The following AFG2A variants were observed in gnomAD, a reference collection of about 807,000 sequenced individuals.
The protein encoded by AFG2A is ATPase family gene 2 protein homolog A.
At chr4:123,261,345 C>T in the AFG2A span, among the ~76,000 whole-genome samples, 1 of 152,144 alleles carries the variant, frequency 6.6e-6, no homozygotes, top group African/African-American at 2.4e-5. Context: ...TGCTCTGTAT[C>T]TGCAAGTTCC....
chr4:123,198,685 A>G, the AFG2A span, among the ~76,000 whole-genome samples: 1 of 152,198 alleles, frequency 6.6e-6, no homozygotes, highest in Non-Finnish European at 1.5e-5. Flanking sequence ...TTAATCCTAA[A>G]AGTTCCCAAT....
the AFG2A span, among the ~76,000 whole-genome samples, chr4:123,024,985 G>A: frequency 6.6e-6 from 1 of 152,140 alleles, no homozygotes; most frequent in South Asian, 2.1e-4. Flanking sequence ...GGGAGCTAGG[G>A]GACGGGGAAT....
the AFG2A span, among the ~76,000 whole-genome samples, chr4:122,943,276 C>A: frequency 6.6e-6 from 1 of 152,284 alleles, no homozygotes; most frequent in South Asian, 2.1e-4. Flanking sequence ...GTCTAAGTCT[C>A]TTTGTAGGTC....
chr4:123,015,399 C>T, the AFG2A span, among the ~76,000 whole-genome samples: 1 of 151,956 alleles, frequency 6.6e-6, no homozygotes, highest in Non-Finnish European at 1.5e-5. Context: ...AACGAGCATG[C>T]TGCCTTCAAG....
chr4:123,198,697 A>G, the AFG2A span, among the ~76,000 whole-genome samples: 1 of 152,198 alleles, frequency 6.6e-6, no homozygotes, highest in Non-Finnish European at 1.5e-5. Flanking sequence ...GTTCCCAATG[A>G]TTAGGACCAT....
the AFG2A span, among the ~76,000 whole-genome samples, chr4:123,122,309 G>T: frequency 6.6e-6 from 1 of 152,142 alleles, no homozygotes; most frequent in Non-Finnish European, 1.5e-5. Flanking sequence ...AATATCATAA[G>T]TCAAAAATGG....
chr4:123,007,594 G>GTGTGT, the AFG2A span, among the ~76,000 whole-genome samples: 15 of 23,714 alleles, frequency 6.3e-4, no homozygotes, highest in Admixed American at 4.6e-3. Flanking sequence ...GTGTGTGTGT[G>GTGTGT]TGTGTGTGTG....
At chr4:123,206,336 A>C in the AFG2A span, among the ~76,000 whole-genome samples, 3 of 152,162 alleles carry the variant, frequency 2.0e-5, no homozygotes, top group African/African-American at 7.2e-5. Flanking sequence ...GTTAAAACCA[A>C]GAGGAATTCT....
At chr4:123,054,599 T>A in the AFG2A span, among the ~76,000 whole-genome samples, 10 of 152,070 alleles carry the variant, frequency 6.6e-5, no homozygotes, top group Non-Finnish European at 1.0e-4. Context: ...GCACCTGTAG[T>A]CCCAGCTACT....
the AFG2A span, among the ~76,000 whole-genome samples, chr4:122,952,962 G>A: frequency 6.6e-6 from 1 of 152,172 alleles, no homozygotes; most frequent in Non-Finnish European, 1.5e-5. Context: ...CAGTAATCTA[G>A]TGTCATTGTC....
chr4:123,217,169 C>CA, the AFG2A span, among the ~76,000 whole-genome samples: 4 of 152,154 alleles, frequency 2.6e-5, no homozygotes, highest in African/African-American at 9.7e-5. Context: ...GTGTAAATGT[C>CA]AGTCATATTC....
the AFG2A span, among the ~76,000 whole-genome samples, chr4:122,967,513 A>G: frequency 6.6e-6 from 1 of 152,190 alleles, no homozygotes; most frequent in African/African-American, 2.4e-5. Flanking sequence ...TTTGTATAAA[A>G]TATTCTGGCA....
the AFG2A span, among the ~76,000 whole-genome samples, chr4:123,137,062 C>A: frequency 2.6e-5 from 4 of 152,070 alleles, no homozygotes; most frequent in South Asian, 2.1e-4. Context: ...AACGTAGATA[C>A]CTTGCACGCA....
the AFG2A span, among the ~76,000 whole-genome samples, chr4:123,196,570 T>C: frequency 6.6e-6 from 1 of 152,150 alleles, no homozygotes; most frequent in South Asian, 2.1e-4. Context: ...CTTCTGAATA[T>C]TAAGGAATTT....
the AFG2A span, among the ~76,000 whole-genome samples, chr4:123,011,109 C>T: frequency 1.3e-5 from 2 of 152,206 alleles, no homozygotes; most frequent in Non-Finnish European, 2.9e-5. Context: ...CATCTTTGTT[C>T]TCTGGCCAGC....
the AFG2A span, among the ~76,000 whole-genome samples, chr4:123,261,401 C>T: frequency 6.6e-6 from 1 of 151,870 alleles, no homozygotes; most frequent in African/African-American, 2.4e-5. Context: ...CAGAAAAAAG[C>T]AACAAAAAAT....
At chr4:123,216,272 A>G in the AFG2A span, among the ~76,000 whole-genome samples, 2 of 152,194 alleles carry the variant, frequency 1.3e-5, no homozygotes, top group Admixed American at 1.3e-4. Context: ...ATAAAAGTGA[A>G]TGTGGAACAT....
At chr4:122,941,544 G>C in the AFG2A span, among the ~76,000 whole-genome samples, 1 of 152,250 alleles carries the variant, frequency 6.6e-6, no homozygotes, top group Non-Finnish European at 1.5e-5. Context: ...CTGAGACAGT[G>C]GGGTTTTCTA....
At chr4:123,111,077 A>G in the AFG2A span, among the ~76,000 whole-genome samples, 1 of 152,060 alleles carries the variant, frequency 6.6e-6, no homozygotes, top group Non-Finnish European at 1.5e-5. Flanking sequence ...ACAAAAGGAG[A>G]TGGCTTGCTG....
Sources: allele counts gnomAD v4.1 joint callset (sites outside exome capture counted in the v4.1 genomes callset), GRCh38; gene constraint gnomAD v4.1.1; transcripts MANE v1.5; gene names NCBI Gene and HGNC (gene_info 2026-07-23, HGNC 2026-07-21).